GDA: variants seen among roughly 807,000 people sequenced by gnomAD.
GDA encodes the protein cytoplasmic PSD-95 interactor.
GDA carries 18 observed loss-of-function variants against 59.6 expected under a neutral mutation model. The ratio of observed to expected loss-of-function variants is 0.30; its 90% CI spans 0.21 to 0.45. GDA has a LOEUF of 0.45. GDA is among the 20% of genes least tolerant of loss of function. The pLI, the probability that GDA is intolerant of heterozygous loss-of-function variation, is 1.00. For synonymous variants in GDA, 201 were observed against 201.1 expected, an observed-to-expected ratio of 1.00 and a Z score of 0.00; for missense variants, 427 against 552.3, an observed-to-expected ratio of 0.77 and a Z score of 2.27.
chr9:72,240,524 T>C (rs548261066), intron 10 of GDA, among the ~76,000 whole-genome samples: 31 of 152,302 alleles, frequency 2.0e-4, no homozygotes, highest in Admixed American at 1.1e-3. Flanking sequence ...CTAAAAGATG[T>C]CTATCAGAAT....
At chr9:72,228,938 G>T (rs572153286) in intron 9 of GDA, 2 of 152,012 alleles carry the variant, frequency 1.3e-5, no homozygotes, top group East Asian at 3.9e-4. Context: ...AAAGCCCATG[G>T]ATATTACAAG....
chr9:72,129,955 T>C (rs1248006585), intron 1 of GDA, among the ~76,000 whole-genome samples: 1 of 152,114 alleles, frequency 6.6e-6, no homozygotes, highest in African/African-American at 2.4e-5. Context: ...AGCCAGAGAA[T>C]TTCATCCCCT....
At chr9:72,116,543 C>A (rs969692498) in intron 1 of GDA, among the ~76,000 whole-genome samples, 9 of 151,836 alleles carry the variant, frequency 5.9e-5, no homozygotes, top group Admixed American at 1.3e-4. Context: ...CCACCATGCC[C>A]AGCTAATTTT....
At position 72,202,762 on chromosome 9, in the gene GDA, G is replaced by T. The variant is rs775031438; in HGVS notation, c.384+20G>T. ...GTTGTCGTAAGTATCTTGTGTGTGA[G>T]TGTGGTATTCTGTTTGGTCATCTAT... On this transcript the variant is annotated intron_variant, in intron 3 of 13. Coordinates refer to ENST00000358399, the MANE Select transcript of GDA (RefSeq NM_004293.5). 5 of 1,572,916 alleles carry T rather than the reference G, an allele frequency of 3.2e-6. No homozygotes were observed. Among genetic ancestry groups the T allele is most frequent in the Non-Finnish European group, 4.4e-6 (5 of 1,146,752 alleles).
At chr9:72,139,748 C>A (rs888574800) in intron 1 of GDA, among the ~76,000 whole-genome samples, 6 of 152,150 alleles carry the variant, frequency 3.9e-5, no homozygotes, top group African/African-American at 1.4e-4. Flanking sequence ...AGTTTTATAT[C>A]CTACACAATG....
intron 1 of GDA, among the ~76,000 whole-genome samples, chr9:72,166,137 A>G (rs139056386): frequency 6.6e-6 from 1 of 152,196 alleles, no homozygotes; most frequent in African/African-American, 2.4e-5. Context: ...TGTCCTGACA[A>G]TCAAGTGGGA....
At chr9:72,241,363 A>G (rs1839592045) in intron 11 of GDA, 65 bp downstream of exon 11, 4 of 1,240,346 alleles carry the variant, frequency 3.2e-6, no homozygotes, top group Admixed American at 3.9e-5. Flanking sequence ...CTTTGGATGT[A>G]GTATGAAGAT....
At chr9:72,195,129 CT>C (rs1443056030) in intron 1 of GDA, among the ~76,000 whole-genome samples, 2 of 152,126 alleles carry the variant, frequency 1.3e-5, no homozygotes, top group African/African-American at 2.4e-5. Flanking sequence ...TATGAAGGTG[CT>C]TTTTAATATA....
intron 1 of GDA, among the ~76,000 whole-genome samples, chr9:72,136,363 C>T (rs376973527): frequency 2.6e-5 from 4 of 152,222 alleles, no homozygotes; most frequent in African/African-American, 9.6e-5. Context: ...ACAATGTTCT[C>T]ATTATGTGAT....
At chr9:72,120,444 T>A (rs1371706169) in intron 1 of GDA, among the ~76,000 whole-genome samples, 11 of 152,184 alleles carry the variant, frequency 7.2e-5, no homozygotes, top group Admixed American at 7.2e-4. Flanking sequence ...TCCGCCCGCC[T>A]CAGCCTCCCA....
chr9:72,184,626 T>G (rs923060029), intron 1 of GDA, among the ~76,000 whole-genome samples: 6 of 152,202 alleles, frequency 3.9e-5, no homozygotes, highest in African/African-American at 1.2e-4. Flanking sequence ...CTTGGTTGCT[T>G]CCTAAAGGTA....
chr9:72,163,158 T>C (rs559871706), intron 1 of GDA, among the ~76,000 whole-genome samples: 1 of 152,240 alleles, frequency 6.6e-6, no homozygotes, highest in East Asian at 1.9e-4. Flanking sequence ...TGGGATTTGA[T>C]GACAAAAATG....
rs1840634318 is a variant in GDA at position 72,251,119 on chromosome 9, T to C, written c.*2777T>C. On this transcript the variant is annotated 3_prime_UTR_variant, in exon 14 of 14. Coordinates refer to ENST00000358399, the MANE Select transcript of GDA (RefSeq NM_004293.5). Reference sequence around the variant, plus strand: ...GCCAAGGGTCTTTCTAAGTTAATACTGTGAGCATTGAGCCCCCATTAAAAC... The same window carrying C: ...GCCAAGGGTCTTTCTAAGTTAATACCGTGAGCATTGAGCCCCCATTAAAAC... 2 of 310,876 alleles carry C rather than the reference T, an allele frequency of 6.4e-6. No homozygotes were observed. The highest frequency in any genetic ancestry group is 1.2e-5 in the Non-Finnish European group (2 of 168,636). 19.3% of individuals were successfully genotyped at this position (310,876 alleles called of 1,614,324 possible).
At chr9:72,219,621 G>T in intron 6 of GDA, 115 bp downstream of exon 6, 1 of 673,672 alleles carries the variant, frequency 1.5e-6, no homozygotes, top group South Asian at 2.1e-5. Flanking sequence ...CATGCATGTA[G>T]AAGTATTTAC....
intron 1 of GDA, among the ~76,000 whole-genome samples, chr9:72,166,945 A>G (rs1482631599): frequency 6.6e-6 from 1 of 152,184 alleles, no homozygotes; most frequent in South Asian, 2.1e-4. Context: ...ATAGGCAGTA[A>G]ATTTTATTTT....
intron 3 of GDA, among the ~76,000 whole-genome samples, chr9:72,208,005 G>A (rs1053681796): frequency 6.6e-6 from 1 of 152,126 alleles, no homozygotes; most frequent in South Asian, 2.1e-4. Flanking sequence ...GGGAGGCTGA[G>A]GTGGAAGGCT....
At chr9:72,194,522 C>G (rs1430628271) in intron 1 of GDA, among the ~76,000 whole-genome samples, 1 of 152,134 alleles carries the variant, frequency 6.6e-6, no homozygotes, top group East Asian at 1.9e-4. Context: ...CCTCTCCTCT[C>G]CTCGAGTGGA....
At chr9:72,173,720 T>C (rs1169915901) in intron 1 of GDA, among the ~76,000 whole-genome samples, 1 of 152,180 alleles carries the variant, frequency 6.6e-6, no homozygotes, top group Non-Finnish European at 1.5e-5. Flanking sequence ...ATCCATAATT[T>C]AGCTATGTCT....
At chr9:72,238,206 C>G (rs1839232102) in intron 10 of GDA, among the ~76,000 whole-genome samples, 1 of 152,314 alleles carries the variant, frequency 6.6e-6, no homozygotes, top group African/African-American at 2.4e-5. Context: ...TGACTATCCT[C>G]TCTATAAATC....
Sources: gnomAD v4.1 joint callset for allele counts (sites outside exome capture counted in the v4.1 genomes callset) on GRCh38, gnomAD v4.1.1 for gene constraint, MANE v1.5 for transcripts, NCBI Gene and HGNC (gene_info 2026-07-23, HGNC 2026-07-21) for gene names.